Variants in MTPAP observed in about 807,000 individuals in gnomAD.
MTPAP encodes mitochondrial poly(A) polymerase, also known as poly(A) RNA polymerase, mitochondrial.
In MTPAP, 23 loss-of-function variants were observed where a neutral mutation model predicts 48.7. That is an observed-to-expected ratio of 0.47 (90% CI 0.34 to 0.67). The LOEUF is 0.67. Among genes scored for constraint, MTPAP ranks in the 30% least tolerant of loss-of-function variants. The probability of loss-of-function intolerance (pLI) is 0.01; values close to 1 mark genes in which losing one functional copy is unlikely to be tolerated. For missense variants in MTPAP, 614 were observed against 694.3 expected, an observed-to-expected ratio of 0.88 and a Z score of 1.30; for synonymous variants, 257 against 254.1, an observed-to-expected ratio of 1.01 and a Z score of -0.11.
At chr10:30,315,190 T>C (rs1436866445) in intron 8 of MTPAP, among the ~76,000 whole-genome samples, 2 of 143,480 alleles carry the variant, frequency 1.4e-5, no homozygotes, top group African/African-American at 5.1e-5. Context: ...AATGAATCCT[T>C]TCTCTCTCCT....
Position 30,345,982 on chromosome 10 carries a change from A to G in MTPAP, c.157+3137T>C, listed in dbSNP as rs543779917. ...AGAATCGCTAGAAGGCAGAGGTTGC[A>G]CTGAGCCGAGATAGCGCCACTGAAC... On this transcript the variant is annotated intron_variant, in intron 1 of 8. Transcript: ENST00000263063. Among the ~76,000 whole-genome samples the G allele has an allele frequency of 4.0e-5, 6 of 151,780 alleles. No individual in the cohort carries two copies. In the East Asian group the frequency reaches 9.7e-4, roughly 24 times the overall value.
intron 6 of MTPAP, among the ~76,000 whole-genome samples, chr10:30,319,095 C>A (rs551712592): frequency 6.6e-6 from 1 of 152,140 alleles, no homozygotes; most frequent in African/African-American, 2.4e-5. Context: ...AAGGCCATTT[C>A]AGGCAAAAGC....
At position 30,322,066 on chromosome 10, in the gene MTPAP, T is replaced by C. The variant is rs17229342; in HGVS notation, c.1219+325A>G. ...GATTTGAAAGTCATCTCTGAGACTG[T>C]GATCCAATCAAAAGTTGTATCTGAA... On this transcript the variant is annotated intron_variant, in intron 6 of 8. Coordinates refer to ENST00000263063, the MANE Select transcript of MTPAP (RefSeq NM_018109.4). Among the ~76,000 whole-genome samples the C allele has an allele frequency of 0.018, 2,767 of 152,344 alleles. 36 individuals are homozygous for C. The highest frequency in any genetic ancestry group is 0.028 in the Non-Finnish European group (1,915 of 68,026).
At chr10:30,321,890 A>G (rs1044402961) in intron 6 of MTPAP, among the ~76,000 whole-genome samples, 4 of 152,222 alleles carry the variant, frequency 2.6e-5, no homozygotes, top group African/African-American at 9.6e-5. Flanking sequence ...GCATTTATAA[A>G]ATCATTTATA....
At chr10:30,333,798 CG>C (rs1834698648) in intron 4 of MTPAP, among the ~76,000 whole-genome samples, 1 of 151,914 alleles carries the variant, frequency 6.6e-6, no homozygotes, top group African/African-American at 2.4e-5. Flanking sequence ...CTCAATCACA[CG>C]GGTGAGGCAG....
At chr10:30,319,796 C>T (rs577330618) in intron 6 of MTPAP, among the ~76,000 whole-genome samples, 3 of 152,128 alleles carry the variant, frequency 2.0e-5, no homozygotes, top group South Asian at 2.1e-4. Flanking sequence ...TGCTATATGC[C>T]GAGAAGCAAT....
chr10:30,326,433 G>A lies in MTPAP; in HGVS notation c.983C>T (p.Thr328Met), dbSNP rs759258615. ...ATGTAAGCGGTCATACCTATTGTTC[G>A]TAGTCAAATCACACTGAAATCCGGA... ...QASGFQCDLT[T>M]NNRIALTSSE... The change falls in exon 5 of 9, where the codon ACG becomes ATG. Residue 328 changes from threonine to methionine, a missense_variant. By Grantham distance (81) the Thr-to-Met change is moderately conservative (BLOSUM62 -1). Transcript: ENST00000263063. 7 of 1,613,358 alleles carry A rather than the reference G, an allele frequency of 4.3e-6. No individual in the cohort carries two copies. The highest frequency in any genetic ancestry group is 2.2e-5 in the East Asian group (1 of 44,882).
At chr10:30,331,776 A>AG (rs1446876505) in intron 4 of MTPAP, among the ~76,000 whole-genome samples, 1 of 152,248 alleles carries the variant, frequency 6.6e-6, no homozygotes, top group East Asian at 1.9e-4. Context: ...CACATTGGCC[A>AG]GGCTGGCCTT....
At position 30,313,970 on chromosome 10, in the gene MTPAP, C is replaced by G. The variant is rs1840632454; in HGVS notation, c.1388G>C (p.Gly463Ala). 1.2e-6 allele frequency: 2 copies of G among 1,612,982 alleles called. No homozygotes were observed. The highest frequency in any genetic ancestry group is 1.7e-6 in the Non-Finnish European group (2 of 1,179,310). ...AGAATCAGGTTTGTTTTGCTCCCTT[C>G]CCTATAGATTATTACACAGAAGAAA... The part of the protein sequence containing the change: ...FDKNSINIRQ[G>A]REQNKPDSSP... Residue 463 changes from glycine to alanine, a missense_variant and splice_region_variant, in exon 9 of 9, where the codon GGA becomes GCA. Gly to Ala is a moderately conservative substitution (Grantham distance 60, BLOSUM62 0). Around this residue, in one of 5 missense-constraint regions of MTPAP, gnomAD observed 261 missense variants for 355.4 expected, o/e 0.73. Transcript: ENST00000263063.
chr10:30,316,287 G>A, intron 6 of MTPAP, 77 bp from the exon 7 acceptor site: 1 of 1,132,898 alleles, frequency 8.8e-7, no homozygotes, highest in South Asian at 1.3e-5. Context: ...CTGTCATCCA[G>A]GCTGGAGTGT....
chr10:30,326,284 T>C lies in MTPAP; in HGVS notation c.992+140A>G, dbSNP rs1834596713. 5.2e-6 allele frequency: 4 copies of C among 773,158 alleles called. No homozygotes were observed. The South Asian group carries it at 7.7e-5, about 15-fold the overall frequency. 47.9% of individuals were successfully genotyped at this position (773,158 alleles called of 1,614,324 possible). A position where few individuals can be genotyped will look rare whatever the true frequency, so the allele number is the denominator to read the frequency against. On this transcript the variant is annotated intron_variant, in intron 5 of 8. Coordinates refer to ENST00000263063, the MANE Select transcript of MTPAP (RefSeq NM_018109.4). ...AACGTAAGAGAAAAGATTACTTACT[T>C]TTCAATCCAAGTGATAAATTTTTAA...
chr10:30,334,738 T>C (rs1041423595), intron 4 of MTPAP, among the ~76,000 whole-genome samples: 2 of 152,104 alleles, frequency 1.3e-5, no homozygotes, highest in African/African-American at 4.8e-5. Context: ...TGACTAAAAT[T>C]AATTAAGACA....
intron 8 of MTPAP, among the ~76,000 whole-genome samples, chr10:30,315,436 T>G (rs541562324): frequency 1.3e-5 from 2 of 151,522 alleles, no homozygotes; most frequent in South Asian, 4.2e-4. Flanking sequence ...CCTGAGTTTC[T>G]TTTTGAAAAG....
chr10:30,320,903 T>C (rs1160899687), intron 6 of MTPAP, among the ~76,000 whole-genome samples: 3 of 152,228 alleles, frequency 2.0e-5, no homozygotes, highest in Non-Finnish European at 2.9e-5. Context: ...CGATGGTTTC[T>C]ATGAGAGTAG....
chr10:30,334,594 G>C (rs1834707283), intron 4 of MTPAP, among the ~76,000 whole-genome samples: 1 of 152,142 alleles, frequency 6.6e-6, no homozygotes, highest in Non-Finnish European at 1.5e-5. Flanking sequence ...CCAGGAGGCA[G>C]AGGCTGCAGC....
Position 30,313,989 on chromosome 10 carries a change from G to A in MTPAP, c.1387-18C>T, listed in dbSNP as rs1378926061. 21 of 1,609,922 alleles carry A rather than the reference G, an allele frequency of 1.3e-5. No homozygotes were observed. Among genetic ancestry groups the A allele is most frequent in the Non-Finnish European group, 1.8e-5 (21 of 1,177,366 alleles). On this transcript the variant is annotated intron_variant, in intron 8 of 8. Coordinates refer to ENST00000263063, the MANE Select transcript of MTPAP (RefSeq NM_018109.4). The stretch of plus-strand genomic sequence containing the variant: ...TCCCTTCCCTATAGATTATTACACA[G>A]AAGAAAAAATGAGTAAGTACATGAA...
chr10:30,343,921 C>T (rs1280076396), intron 1 of MTPAP, among the ~76,000 whole-genome samples: 1 of 152,168 alleles, frequency 6.6e-6, no homozygotes, highest in Non-Finnish European at 1.5e-5. Flanking sequence ...AATGACAATT[C>T]TTTAACATCA....
At chr10:30,319,478 G>C (rs967459996) in intron 6 of MTPAP, among the ~76,000 whole-genome samples, 2 of 152,144 alleles carry the variant, frequency 1.3e-5, no homozygotes, top group Non-Finnish European at 2.9e-5. Flanking sequence ...TCACTTACAT[G>C]ATTAAACACC....
intron 6 of MTPAP, among the ~76,000 whole-genome samples, chr10:30,318,002 C>T (rs1840680865): frequency 6.6e-6 from 1 of 152,038 alleles, no homozygotes; most frequent in East Asian, 1.9e-4. Context: ...GAACTACAGG[C>T]GAACACCACC....
Sources: gnomAD v4.1 joint callset for allele counts (sites outside exome capture counted in the v4.1 genomes callset) on GRCh38, gnomAD v4.1.1 for gene constraint, gnomAD v4.1.1 regional missense constraint, MANE v1.5 for transcripts, NCBI Gene and HGNC (gene_info 2026-07-23, HGNC 2026-07-21) for gene names.